The following MARCHF7 variants were observed in gnomAD, a reference collection of about 807,000 sequenced individuals.
The protein encoded by MARCHF7 is E3 ubiquitin-protein ligase MARCHF7.
Under a neutral mutation model 76.5 loss-of-function variants are expected in MARCHF7, and 20 were observed. That is an observed-to-expected ratio of 0.26 (90% confidence interval 0.18 to 0.38). The LOEUF (loss-of-function observed/expected upper bound fraction) is 0.38, where lower values mean the gene tolerates loss of function less well. Ranked by LOEUF, MARCHF7 falls within the 10% of genes least tolerant of loss-of-function variation. The pLI, the probability that MARCHF7 is intolerant of heterozygous loss-of-function variation, is 1.00. For missense variants in MARCHF7, 797 were observed against 812.9 expected (o/e 0.98, Z 0.24); for synonymous variants, 295 against 293.0 (o/e 1.01, Z -0.07).
At chr2:159,719,654 C>G (rs780418336) in intron 3 of MARCHF7, among the ~76,000 whole-genome samples, 1 of 151,886 alleles carries the variant, frequency 6.6e-6, no homozygotes, top group Non-Finnish European at 1.5e-5. Context: ...TCAATTTTAC[C>G]TAGTCTATTG....
chr2:159,713,565 A>G (rs1047877505), intron 1 of MARCHF7, among the ~76,000 whole-genome samples: 2 of 152,170 alleles, frequency 1.3e-5, no homozygotes, highest in African/African-American at 4.8e-5. Context: ...GTCCAGAACC[A>G]AGATGTAGGA....
intron 8 of MARCHF7, 118 bp from the exon 9 acceptor site, chr2:159,759,108 C>G: frequency 1.6e-6 from 1 of 617,498 alleles, no homozygotes; most frequent in Non-Finnish European, 2.8e-6. Context: ...TGTAATATTT[C>G]CTTTTCTTCT....
At chr2:159,745,641 G>A in intron 5 of MARCHF7, 129 bp from the exon 6 acceptor site, 1 of 607,156 alleles carries the variant, frequency 1.6e-6, no homozygotes, top group Non-Finnish European at 2.6e-6. Context: ...GGGTGACAGA[G>A]TGAGACTCCG....
intron 11 of MARCHF7, 140 bp from the exon 12 acceptor site, chr2:159,767,144 C>T: frequency 1.6e-6 from 1 of 637,198 alleles, no homozygotes. Context: ...CCCTGTCATA[C>T]AACTTATCAT....
intron 5 of MARCHF7, among the ~76,000 whole-genome samples, chr2:159,745,097 T>G (rs1221707362): frequency 6.6e-6 from 1 of 152,230 alleles, no homozygotes; most frequent in Admixed American, 6.5e-5. Context: ...AGCATCACTT[T>G]CATTGACTTT....
chr2:159,723,744 A>G (rs192510594), intron 3 of MARCHF7, among the ~76,000 whole-genome samples: 162 of 152,308 alleles, frequency 1.1e-3, no homozygotes, highest in African/African-American at 3.7e-3. Context: ...CCTAATAACA[A>G]TCATGCCTTT....
Position 159,769,596 on chromosome 2 carries a change from A to T in MARCHF7, c.*2254A>T, listed in dbSNP as rs909816479. 1.2e-4 allele frequency: 19 copies of T among 152,250 alleles called. No homozygotes were observed. The highest frequency in any genetic ancestry group is 1.2e-3 in the Admixed American group (18 of 15,280). The allele number at this position is 152,250 out of a possible 1,614,324, so 9.4% of individuals were successfully genotyped here. ...GCAAGGCGGAGATTGGAGAGAGCCA[A>T]GATCGAGCCACTGCACTGTAGCCTG... is the stretch of plus-strand genomic sequence containing the variant. On this transcript the variant is annotated 3_prime_UTR_variant, in exon 12 of 12. Coordinates refer to ENST00000409175, the MANE Select transcript of MARCHF7 (RefSeq NM_001282805.2).
chr2:159,742,643 C>A (rs1704270756), intron 4 of MARCHF7, among the ~76,000 whole-genome samples: 1 of 151,944 alleles, frequency 6.6e-6, no homozygotes, highest in African/African-American at 2.4e-5. Flanking sequence ...GGAACAAAGA[C>A]TAAAGAAGAA....
intron 6 of MARCHF7, 131 bp downstream of exon 6, chr2:159,746,068 AT>A (rs896056822): frequency 2.5e-5 from 16 of 633,294 alleles, no homozygotes; most frequent in Admixed American, 8.0e-5. Context: ...ATACCTTAAT[AT>A]TTTTTTCTAG....
chr2:159,748,987 T>TCC (rs1398149801), intron 7 of MARCHF7, 84 bp downstream of exon 7: 1 of 1,215,470 alleles, frequency 8.2e-7, no homozygotes, highest in Non-Finnish European at 1.1e-6. Context: ...TCTTTTTTTT[T>TCC]TTTTTTTTTG....
At chr2:159,765,403 C>T (rs1707647724) in intron 11 of MARCHF7, among the ~76,000 whole-genome samples, 1 of 152,072 alleles carries the variant, frequency 6.6e-6, no homozygotes, top group Non-Finnish European at 1.5e-5. Context: ...TTCCAGTGTG[C>T]TTCATACCAT....
chr2:159,736,132 A>G (rs892578759), intron 4 of MARCHF7, among the ~76,000 whole-genome samples: 3 of 152,218 alleles, frequency 2.0e-5, no homozygotes, highest in Non-Finnish European at 2.9e-5. Flanking sequence ...GTCTCTTAAA[A>G]TAAGGGAATG....
chr2:159,738,458 G>A (rs1189340763), intron 4 of MARCHF7, among the ~76,000 whole-genome samples: 2 of 152,170 alleles, frequency 1.3e-5, no homozygotes, highest in Non-Finnish European at 2.9e-5. Flanking sequence ...CACGTCCAGA[G>A]AGAATGAGGT....
chr2:159,728,758 G>C (rs1407327072), intron 3 of MARCHF7, among the ~76,000 whole-genome samples: 2 of 152,132 alleles, frequency 1.3e-5, no homozygotes, highest in South Asian at 4.1e-4. Flanking sequence ...CCAGATTTTG[G>C]AAACAACAGA....
Position 159,769,943 on chromosome 2 carries a change from G to A in MARCHF7, c.*2601G>A, listed in dbSNP as rs1043398255. On this transcript the variant is annotated 3_prime_UTR_variant, in exon 12 of 12. Transcript: ENST00000409175. ...CTTGACAATGTGGCTAATGTAATTCGAAAACTGGATTTTAAACTAAATTTA... is the reference window on the plus strand; with the variant it reads ...CTTGACAATGTGGCTAATGTAATTCAAAAACTGGATTTTAAACTAAATTTA... 6.6e-6 allele frequency: 1 copy of A among 152,142 alleles called. No homozygotes were observed. The highest frequency in any genetic ancestry group is 2.4e-5 in the African/African-American group (1 of 41,418). 9.4% of individuals were successfully genotyped at this position (152,142 alleles called of 1,614,324 possible).
At chr2:159,724,656 A>G (rs908605269) in intron 3 of MARCHF7, among the ~76,000 whole-genome samples, 5 of 152,120 alleles carry the variant, frequency 3.3e-5, no homozygotes, top group Non-Finnish European at 5.9e-5. Context: ...CTGTCTTTGT[A>G]TTCTCACACA....
chr2:159,761,427 T>TTTTTTTC (rs1707077756), intron 9 of MARCHF7, among the ~76,000 whole-genome samples: 1 of 94,380 alleles, frequency 1.1e-5, no homozygotes, highest in Non-Finnish European at 2.3e-5. Flanking sequence ...TTTTTTTTTT[T>TTTTTTTC]TTTTGAGACG....
chr2:159,734,139 A>G (rs1703163086), intron 4 of MARCHF7: 1 of 1,173,072 alleles, frequency 8.5e-7, no homozygotes, highest in East Asian at 2.8e-5. Flanking sequence ...ATATTGTTAA[A>G]AAGGGGTTAT....
chr2:159,730,147 C>T (rs1369124541), intron 4 of MARCHF7, among the ~76,000 whole-genome samples: 1 of 152,184 alleles, frequency 6.6e-6, no homozygotes, highest in East Asian at 1.9e-4. Context: ...ATGACTCTCC[C>T]ACCTCATTCT....
Sources: allele counts gnomAD v4.1 joint callset (sites outside exome capture counted in the v4.1 genomes callset), GRCh38; gene constraint gnomAD v4.1.1; transcripts MANE v1.5; gene names NCBI Gene and HGNC (gene_info 2026-07-23, HGNC 2026-07-21).